The following FRYL variants were observed in gnomAD, a reference collection of about 807,000 sequenced individuals.
The protein encoded by FRYL is FRY like transcription coactivator, also known as protein furry homolog-like.
FRYL carries 150 observed loss-of-function variants against 351.2 expected under a neutral mutation model. That is an observed-to-expected ratio of 0.43 (90% CI 0.37 to 0.49). The LOEUF is 0.49. Ranked by LOEUF, FRYL falls within the 20% of genes least tolerant of loss-of-function variation. The pLI is 0.00. For synonymous variants in FRYL, 1,153 were observed against 1,257.1 expected (o/e 0.92, Z 1.75); for missense variants, 3,036 against 3,619.3 (o/e 0.84, Z 4.13).
chr4:48,747,117 G>A (rs1428215569), intron 1 of FRYL, among the ~76,000 whole-genome samples: 5 of 151,918 alleles, frequency 3.3e-5, no homozygotes, highest in African/African-American at 1.2e-4. Context: ...GAGAAGATTA[G>A]TCAATGAGAG....
intron 19 of FRYL, 102 bp from the exon 20 acceptor site, chr4:48,582,836 G>T: frequency 1.3e-6 from 1 of 780,860 alleles, no homozygotes; most frequent in Non-Finnish European, 2.1e-6. Context: ...CCTCTTAGTT[G>T]TTTTGTAAGA....
In FRYL at chr4:48,540,016, G is replaced by A; in HGVS notation, c.6348C>T (p.Asp2116=). Residue 2116 remains aspartate, a synonymous_variant, in exon 47 of 64, where the codon GAC becomes GAT. Coordinates refer to ENST00000358350, the MANE Select transcript of FRYL (RefSeq NM_015030.2). ...TTTCTTTGCAAAACTGAGTTGGGCT[G>A]TCAAAATGCTGGATTAAGTGAGGCA... ...CLLPHLIQHF[D]SPTQFCKETA... The A allele has an allele frequency of 6.2e-7, 1 of 1,613,248 alleles. No individual in the cohort carries two copies. Among genetic ancestry groups the A allele is most frequent in the South Asian group, 1.1e-5 (1 of 91,034 alleles).
intron 1 of FRYL, among the ~76,000 whole-genome samples, chr4:48,726,759 G>A (rs1283772106): frequency 1.3e-5 from 2 of 152,182 alleles, no homozygotes; most frequent in African/African-American, 2.4e-5. Context: ...CTCTTCTGCT[G>A]TCTCAGTAAT....
chr4:48,754,170 T>C (rs1773531181), intron 1 of FRYL, among the ~76,000 whole-genome samples: 1 of 152,196 alleles, frequency 6.6e-6, no homozygotes, highest in Non-Finnish European at 1.5e-5. Flanking sequence ...ATACACATAC[T>C]AAGCAGTCAC....
Position 48,499,415 on chromosome 4 carries a change from A to T in FRYL, c.*7T>A, listed in dbSNP as rs1465394008. ...GTTTAGTTTCTTTCCTAAAGGCCTG[A>T]AGTGTCTCAGAATCCAGTGCTCACC... On this transcript the variant is annotated 3_prime_UTR_variant, in exon 64 of 64. Transcript: ENST00000358350. 6.2e-7 allele frequency: 1 copy of T among 1,613,418 alleles called. No homozygotes were observed.
rs541393188 is a variant in FRYL, at chr4:48,710,615, T to G, written c.-300A>C. ...GCTTTTTTGATCTGGAGCTTGTACT[T>G]TACAGGCACTCGAGTGGGCACACTG... On this transcript the variant is annotated 5_prime_UTR_variant, in exon 2 of 64. Transcript: ENST00000358350. 4.8e-5 allele frequency: 19 copies of G among 398,566 alleles called. No homozygotes were observed. Among genetic ancestry groups the G allele is most frequent in the African/African-American group, 3.9e-4 (19 of 48,732 alleles). 24.7% of individuals were successfully genotyped at this position (398,566 alleles called of 1,614,324 possible). A position where few individuals can be genotyped will look rare whatever the true frequency, so the allele number is the denominator to read the frequency against.
chr4:48,596,089 T>C (rs1428401881), intron 13 of FRYL, 89 bp from the exon 14 acceptor site: 1 of 840,926 alleles, frequency 1.2e-6, no homozygotes, highest in Non-Finnish European at 1.9e-6. Context: ...TAAAAGCCAA[T>C]CTTTTTTGTA....
intron 1 of FRYL, among the ~76,000 whole-genome samples, chr4:48,772,679 C>CAAAAAAAAAAAAAA (rs33926702): frequency 1.6e-4 from 8 of 50,266 alleles, no homozygotes; most frequent in East Asian, 7.6e-4. Flanking sequence ...AGAGACCTAC[C>CAAAAAAAAAAAAAA]AAAAAAAAAA....
At chr4:48,702,464 A>G (rs1766843942) in intron 2 of FRYL, among the ~76,000 whole-genome samples, 2 of 75,200 alleles carry the variant, frequency 2.7e-5, no homozygotes, top group African/African-American at 4.2e-5. Context: ...TCAAAAAAAA[A>G]AAAAAAAAAA....
chr4:48,676,105 G>C (rs1763630049), intron 3 of FRYL, among the ~76,000 whole-genome samples: 1 of 152,132 alleles, frequency 6.6e-6, no homozygotes, highest in Admixed American at 6.5e-5. Flanking sequence ...AGGCCACTCA[G>C]CTCTACCAAT....
rs1204863623 is a variant in FRYL at position 48,549,752 on chromosome 4, T to C, written c.4634-129A>G. ...AAAAAAATTTCCCACTATTTCAACATGTTTGCTAGGAAAATCTAGGCACAA... is the reference window on the plus strand; with the variant it reads ...AAAAAAATTTCCCACTATTTCAACACGTTTGCTAGGAAAATCTAGGCACAA... On this transcript the variant is annotated intron_variant, in intron 38 of 63. Transcript: ENST00000358350. This position sits in a 1 kb window ranked among gnomAD's most constrained non-coding sequence, Gnocchi z 4.2. The C allele has an allele frequency of 1.8e-5, 12 of 684,748 alleles. No homozygotes were observed. The Admixed American group carries it at 1.9e-4, about 11-fold the overall frequency. The allele number at this position is 684,748 out of a possible 1,614,324, so 42.4% of individuals were successfully genotyped here.
In FRYL at chr4:48,563,932, C is replaced by T. The variant is rs1316791490; in HGVS notation, c.3596+16G>A. ...AAACAGAACAAAATGAAACAAAAAA[C>T]CTGTATCTAAAGTACCTGTTCTGGA... is the stretch of plus-strand genomic sequence containing the variant. On this transcript the variant is annotated intron_variant, in intron 31 of 63. Coordinates refer to ENST00000358350, the MANE Select transcript of FRYL (RefSeq NM_015030.2). 6 of 1,594,540 alleles carry T rather than the reference C, an allele frequency of 3.8e-6. No homozygotes were observed. Among genetic ancestry groups the T allele is most frequent in the Non-Finnish European group, 5.1e-6 (6 of 1,174,926 alleles).
At chr4:48,646,266 T>A (rs115328907) in intron 3 of FRYL, among the ~76,000 whole-genome samples, 4,878 of 152,340 alleles carry the variant, frequency 0.032, 103 homozygotes, top group Middle Eastern at 0.061. Context: ...AGATTTTCTA[T>A]GACATTTACA....
intron 35 of FRYL, 34 bp downstream of exon 35, chr4:48,556,944 T>C: frequency 6.7e-7 from 1 of 1,503,348 alleles, no homozygotes; most frequent in Non-Finnish European, 9.0e-7. Flanking sequence ...AATATATACA[T>C]ATATTTTAAA....
intron 27 of FRYL, among the ~76,000 whole-genome samples, chr4:48,568,032 A>C (rs772114073): frequency 6.6e-5 from 10 of 152,210 alleles, no homozygotes; most frequent in Non-Finnish European, 1.3e-4. Flanking sequence ...TTGGGAAGCC[A>C]AGGTGGGTGG....
intron 1 of FRYL, among the ~76,000 whole-genome samples, chr4:48,747,767 A>G (rs568405238): frequency 6.6e-6 from 1 of 152,226 alleles, no homozygotes; most frequent in Non-Finnish European, 1.5e-5. Context: ...GGGAAATAAA[A>G]AATAGCATAT....
intron 33 of FRYL, among the ~76,000 whole-genome samples, chr4:48,559,725 T>TCA (rs1488499313): frequency 6.9e-6 from 1 of 144,504 alleles, no homozygotes; most frequent in East Asian, 2.0e-4. Flanking sequence ...AGACTCTGTC[T>TCA]CAAAAATAAA....
chr4:48,746,588 G>T (rs1290964626), intron 1 of FRYL, among the ~76,000 whole-genome samples: 1 of 151,578 alleles, frequency 6.6e-6, no homozygotes, highest in Non-Finnish European at 1.5e-5. Flanking sequence ...CAAAAAACAG[G>T]TCTGCAAATT....
intron 3 of FRYL, among the ~76,000 whole-genome samples, chr4:48,651,348 G>T (rs1437226899): frequency 7.3e-6 from 1 of 136,684 alleles, no homozygotes; most frequent in African/African-American, 2.7e-5. Flanking sequence ...TGTAGTGGTA[G>T]AAACAGGATC....
Sources: gnomAD v4.1 joint callset for allele counts (sites outside exome capture counted in the v4.1 genomes callset) on GRCh38, gnomAD v4.1.1 for gene constraint, Gnocchi (gnomAD v3.1) non-coding constraint, MANE v1.5 for transcripts, NCBI Gene and HGNC (gene_info 2026-07-23, HGNC 2026-07-21) for gene names.